The following DOCK1 variants were observed in gnomAD, a reference collection of about 807,000 sequenced individuals.
DOCK1 encodes dedicator of cytokinesis protein 1.
A neutral mutation model predicts 262.7 loss-of-function variants in DOCK1; 138 were observed. The observed-to-expected ratio is 0.53, with a 90% CI of 0.46 to 0.61. The LOEUF (loss-of-function observed/expected upper bound fraction) is 0.61, where lower values mean the gene tolerates loss of function less well. DOCK1 is among the 20% of genes least tolerant of loss of function. DOCK1 has a pLI of 0.00. For missense variants in DOCK1, 1,908 were observed against 2,370.7 expected (o/e 0.80, Z 4.05); for synonymous variants, 866 against 867.4 (o/e 1.00, Z 0.03).
intron 1 of DOCK1, among the ~76,000 whole-genome samples, chr10:126,913,652 C>A (rs1218541161): frequency 2.0e-5 from 3 of 152,192 alleles, no homozygotes; most frequent in Non-Finnish European, 4.4e-5. Context: ...TATCCACATG[C>A]CCACATGCAC....
intron 29 of DOCK1, among the ~76,000 whole-genome samples, chr10:127,291,923 TCA>T: frequency 6.6e-6 from 1 of 152,298 alleles, no homozygotes; most frequent in South Asian, 2.1e-4. Flanking sequence ...CCTCCGTCCT[TCA>T]CAGAGTGCCT....
chr10:127,122,940 G>A (rs1439704993), intron 25 of DOCK1, among the ~76,000 whole-genome samples: 2 of 152,146 alleles, frequency 1.3e-5, no homozygotes, highest in Non-Finnish European at 2.9e-5. Flanking sequence ...GATCACAACT[G>A]CCTACCCAGC....
At chr10:127,243,442 G>T (rs1192609187) in intron 27 of DOCK1, among the ~76,000 whole-genome samples, 1 of 152,064 alleles carries the variant, frequency 6.6e-6, no homozygotes, top group Non-Finnish European at 1.5e-5. Flanking sequence ...CTTCTACTGA[G>T]ACTCACTTCC....
chr10:126,986,864 T>C (rs1336335751), intron 4 of DOCK1, among the ~76,000 whole-genome samples: 9 of 152,092 alleles, frequency 5.9e-5, no homozygotes, highest in Admixed American at 5.9e-4. Context: ...GAGCCGAGAT[T>C]GCACCACTGC....
chr10:127,304,586 C>T (rs2061807237), intron 29 of DOCK1, among the ~76,000 whole-genome samples: 2 of 152,036 alleles, frequency 1.3e-5, no homozygotes, highest in African/African-American at 4.8e-5. Context: ...TTTATTTTTA[C>T]TGAAAACACA....
At chr10:127,327,837 G>T (rs1012299957) in intron 29 of DOCK1, among the ~76,000 whole-genome samples, 2 of 152,090 alleles carry the variant, frequency 1.3e-5, no homozygotes, top group African/African-American at 4.8e-5. Context: ...ACTTGAGGAA[G>T]GTTGCACAGC....
intron 29 of DOCK1, among the ~76,000 whole-genome samples, chr10:127,271,441 A>C (rs865827105): frequency 3.3e-5 from 5 of 152,244 alleles, no homozygotes; most frequent in African/African-American, 9.6e-5. Context: ...ATTTTTAAAA[A>C]TTCACTTATG....
chr10:127,125,665 A>G (rs1238627353), intron 26 of DOCK1, 64 bp downstream of exon 26: 47 of 1,579,642 alleles, frequency 3.0e-5, no homozygotes, highest in Non-Finnish European at 3.9e-5. Flanking sequence ...GCCTTGCAGT[A>G]CAACTTTATT....
chr10:127,085,075 T>C (rs2047117864), intron 23 of DOCK1, among the ~76,000 whole-genome samples: 2 of 152,142 alleles, frequency 1.3e-5, no homozygotes, highest in African/African-American at 2.4e-5. Flanking sequence ...CTGGCCTCTG[T>C]AATAATGGAG....
At chr10:127,058,205 T>TA (rs1483169722) in intron 22 of DOCK1, among the ~76,000 whole-genome samples, 1 of 152,138 alleles carries the variant, frequency 6.6e-6, no homozygotes, top group Admixed American at 6.5e-5. Context: ...TGGTAGAATT[T>TA]AAAAAATATT....
intron 47 of DOCK1, among the ~76,000 whole-genome samples, chr10:127,428,790 T>TGGG (rs1491547276): frequency 1.3e-4 from 14 of 108,962 alleles, no homozygotes; most frequent in African/African-American, 4.6e-4. Context: ...CTGTGTGGAC[T>TGGG]GTGTCATGTG....
At chr10:127,225,379 A>G (rs1439210098) in intron 27 of DOCK1, among the ~76,000 whole-genome samples, 1 of 152,272 alleles carries the variant, frequency 6.6e-6, no homozygotes, top group Non-Finnish European at 1.5e-5. Context: ...GAGAGCAGGT[A>G]ACCCATGACA....
Position 127,262,213 on chromosome 10 carries a change from C to CGTGTGT in DOCK1, c.3044+4795_3044+4800dup, listed in dbSNP as rs1554934725. Among the ~76,000 whole-genome samples the CGTGTGT allele has an allele frequency of 7.9e-5, 10 of 126,484 alleles. 1 individual carries two copies. Among genetic ancestry groups the CGTGTGT allele is most frequent in the African/African-American group, 1.5e-4 (5 of 32,830 alleles). The allele number at this position is 126,484 out of a possible 152,430, so 83.0% of individuals were successfully genotyped here. On this transcript the variant is annotated intron_variant, in intron 29 of 51. Transcript: ENST00000623213. The stretch of plus-strand genomic sequence containing the variant: ...GTACCCGTGCTCATCTGTGTGTGTG[C>CGTGTGT]GTGTGTGTGTGTGTGTACCCGTGCT...
intron 27 of DOCK1, among the ~76,000 whole-genome samples, chr10:127,197,490 G>A (rs1296461184): frequency 6.6e-6 from 1 of 152,202 alleles, no homozygotes; most frequent in Non-Finnish European, 1.5e-5. Context: ...GCAGCCAGCC[G>A]AGTGCAGGGC....
chr10:127,408,557 C>T (rs1165251486), intron 40 of DOCK1, among the ~76,000 whole-genome samples: 1 of 152,198 alleles, frequency 6.6e-6, no homozygotes, highest in African/African-American at 2.4e-5. Flanking sequence ...GCTGGGGCCC[C>T]ACCTTAGCTC....
intron 29 of DOCK1, among the ~76,000 whole-genome samples, chr10:127,261,298 T>G (rs538747802): frequency 2.4e-4 from 21 of 88,884 alleles, no homozygotes; most frequent in Admixed American, 7.5e-4. Flanking sequence ...TGCATGTGGG[T>G]GTGTGTGTGT....
intron 47 of DOCK1, among the ~76,000 whole-genome samples, chr10:127,427,738 C>T (rs1309557663): frequency 6.6e-6 from 1 of 152,224 alleles, no homozygotes; most frequent in African/African-American, 2.4e-5. Context: ...CTGGGCAACC[C>T]CTGAGAGAAG....
At chr10:127,294,510 T>A (rs1452362380) in intron 29 of DOCK1, among the ~76,000 whole-genome samples, 2 of 151,946 alleles carry the variant, frequency 1.3e-5, no homozygotes, top group African/African-American at 4.8e-5. Context: ...TTAGTAGAGA[T>A]GGGGTTTCAC....
At chr10:127,042,588 G>A (rs757736533) in intron 19 of DOCK1, 37 bp from the exon 20 acceptor site, 3 of 1,584,044 alleles carry the variant, frequency 1.9e-6, no homozygotes, top group African/African-American at 1.3e-5. Flanking sequence ...AAGTCCGGTG[G>A]GTTCACATTG....
Sources: allele counts gnomAD v4.1 joint callset (sites outside exome capture counted in the v4.1 genomes callset), GRCh38; gene constraint gnomAD v4.1.1; transcripts MANE v1.5; gene names NCBI Gene and HGNC (gene_info 2026-07-23, HGNC 2026-07-21).